Variants in GTF2IRD1 observed in about 807,000 individuals in gnomAD.
GTF2IRD1 encodes general transcription factor II-I repeat domain-containing protein 1.
GTF2IRD1 carries 26 observed loss-of-function variants against 113.2 expected under a neutral mutation model. The ratio of observed to expected loss-of-function variants is 0.23; its 90% CI spans 0.17 to 0.32. GTF2IRD1 has a LOEUF of 0.32. Ranked by LOEUF, GTF2IRD1 falls within the 10% of genes least tolerant of loss-of-function variation. The pLI is 1.00. For missense variants in GTF2IRD1, 864 were observed against 1,280.8 expected, an observed-to-expected ratio of 0.67 and a Z score of 4.97; for synonymous variants, 484 against 529.1, an observed-to-expected ratio of 0.91 and a Z score of 1.17.
In GTF2IRD1 at chr7:74,560,742, C is replaced by T. The variant is rs1174160930; in HGVS notation, c.2320+1087C>T. ...GATTATAGGTGGGCACCACCATGCC[C>T]GGCTAATTTTTGTGTTTTTAGTAGA... is the stretch of plus-strand genomic sequence containing the variant. On this transcript the variant is annotated intron_variant, in intron 22 of 26. Coordinates refer to ENST00000424337, the MANE Select transcript of GTF2IRD1 (RefSeq NM_005685.4). Among the ~76,000 whole-genome samples the T allele has an allele frequency of 4.0e-5, 6 of 151,746 alleles. No homozygotes were observed. In the South Asian group the frequency reaches 6.2e-4, roughly 16 times the overall value.
At chr7:74,571,572 A>G (rs587718586) in intron 22 of GTF2IRD1, among the ~76,000 whole-genome samples, 6 of 152,310 alleles carry the variant, frequency 3.9e-5, no homozygotes, top group Admixed American at 2.0e-4. Context: ...GTCAAATTAC[A>G]TGCTGCTAGC....
At chr7:74,581,758 G>A (rs1403186852) in intron 22 of GTF2IRD1, among the ~76,000 whole-genome samples, 3 of 152,344 alleles carry the variant, frequency 2.0e-5, no homozygotes, top group Non-Finnish European at 2.9e-5. Context: ...CTGTATCTCA[G>A]CACTTTGGAA....
At chr7:74,541,512 G>C (rs1441697796) in intron 14 of GTF2IRD1, among the ~76,000 whole-genome samples, 10 of 152,086 alleles carry the variant, frequency 6.6e-5, no homozygotes, top group South Asian at 4.1e-4. Context: ...TGTAGTTCCA[G>C]CTACTTGGGA....
chr7:74,508,690 TAA>T (rs35760074), intron 2 of GTF2IRD1, among the ~76,000 whole-genome samples: 29 of 131,988 alleles, frequency 2.2e-4, no homozygotes, highest in Admixed American at 4.0e-4. Flanking sequence ...GACTCCGTCT[TAA>T]AAAAAAAAAA....
intron 9 of GTF2IRD1, among the ~76,000 whole-genome samples, chr7:74,531,466 T>G (rs1273238317): frequency 6.6e-6 from 1 of 152,148 alleles, no homozygotes; most frequent in Non-Finnish European, 1.5e-5. Flanking sequence ...GATGAAATGC[T>G]TAGAACAGTG....
chr7:74,602,383 G>A lies in GTF2IRD1; in HGVS notation c.2785G>A (p.Val929Met), dbSNP rs1554374408. 6.2e-7 allele frequency: 1 copy of A among 1,613,536 alleles called. No individual in the cohort carries two copies. ...TCTCTAGCAATGGCCAATGTACATGGTGGACTATGCCGGCCTGAACGTGCA... is the reference window on the plus strand; with the variant it reads ...TCTCTAGCAATGGCCAATGTACATGATGGACTATGCCGGCCTGAACGTGCA... ...ISLVQWPMYM[V>M]DYAGLNVQLP... Residue 929 changes from valine (V) to methionine (M), a missense_variant, in exon 27 of 27, where the codon GTG becomes ATG. This residue lies in a region of GTF2IRD1 where 18 missense variants were observed against 35.7 expected (regional missense o/e 0.50). Coordinates refer to ENST00000424337, the MANE Select transcript of GTF2IRD1 (RefSeq NM_005685.4).
chr7:74,598,801 G>A (rs1432509761), intron 25 of GTF2IRD1, among the ~76,000 whole-genome samples: 1 of 152,024 alleles, frequency 6.6e-6, no homozygotes, highest in East Asian at 1.9e-4. Context: ...CAGAGGGTGG[G>A]GCAGCCTCTG....
At chr7:74,468,047 C>T (rs1362068450) in intron 1 of GTF2IRD1, among the ~76,000 whole-genome samples, 3 of 152,124 alleles carry the variant, frequency 2.0e-5, no homozygotes, top group Admixed American at 6.6e-5. Context: ...GATTACTTGA[C>T]GTTCTGCTGA....
chr7:74,498,427 C>T (rs1224932073), intron 1 of GTF2IRD1, among the ~76,000 whole-genome samples: 3 of 152,154 alleles, frequency 2.0e-5, no homozygotes, highest in Admixed American at 2.0e-4. Flanking sequence ...CTGTCCAAAA[C>T]TTCTCTTTAC....
intron 22 of GTF2IRD1, among the ~76,000 whole-genome samples, chr7:74,574,094 C>T (rs1372865121): frequency 1.3e-5 from 2 of 151,806 alleles, no homozygotes; most frequent in African/African-American, 4.8e-5. Context: ...AGCAATTCTC[C>T]TGCCTTAGCC....
intron 1 of GTF2IRD1, among the ~76,000 whole-genome samples, chr7:74,480,266 A>T (rs1175292112): frequency 2.0e-5 from 3 of 151,774 alleles, no homozygotes; most frequent in African/African-American, 4.8e-5. Flanking sequence ...AGTGTGAGAG[A>T]GTATTGGTGC....
At chr7:74,519,151 G>T (rs1797117915) in intron 5 of GTF2IRD1, among the ~76,000 whole-genome samples, 2 of 152,234 alleles carry the variant, frequency 1.3e-5, no homozygotes, top group Admixed American at 1.3e-4. Flanking sequence ...AACCGCACCT[G>T]GCGGGATCTG....
intron 1 of GTF2IRD1, among the ~76,000 whole-genome samples, chr7:74,460,817 G>C (rs1793313379): frequency 6.6e-6 from 1 of 152,206 alleles, no homozygotes. Context: ...TGTCTGCAAT[G>C]GCTACCTTTC....
rs145424631 is a variant in GTF2IRD1 at position 74,468,600 on chromosome 7, A to C, written c.-7+14424A>C. ...CTTGAACCTCGGAGGCAGAGGTTGC[A>C]GTGAGCCAAGACTGTGCTACTGCAC... On this transcript the variant is annotated intron_variant, in intron 1 of 26. Transcript: ENST00000424337. 5.8e-3 allele frequency among the ~76,000 whole-genome samples: 868 copies of C among 148,740 alleles called. 14 individuals are homozygous for C. In the East Asian group the frequency reaches 0.065, roughly 11 times the overall value.
intron 17 of GTF2IRD1, among the ~76,000 whole-genome samples, chr7:74,553,069 C>T (rs1799404383): frequency 6.6e-6 from 1 of 152,134 alleles, no homozygotes; most frequent in African/African-American, 2.4e-5. Context: ...AACTCCTAAC[C>T]TTAAGTGATC....
At chr7:74,521,135 G>A in intron 6 of GTF2IRD1, 73 bp from the exon 7 acceptor site, 1 of 830,192 alleles carries the variant, frequency 1.2e-6, no homozygotes, top group Non-Finnish European at 2.1e-6. Context: ...GCCAGGGCCT[G>A]TGCACTGGGG....
rs1408435179 is a variant in GTF2IRD1, at chr7:74,453,944, C to T, written c.-239C>T. 1 of 149,118 alleles carries T rather than the reference C, an allele frequency of 6.7e-6. No homozygotes were observed. Among genetic ancestry groups the T allele is most frequent in the African/African-American group, 2.5e-5 (1 of 40,716 alleles). The allele number at this position is 149,118 out of a possible 1,614,324, so 9.2% of individuals were successfully genotyped here. A position where few individuals can be genotyped will look rare whatever the true frequency, so the allele number is the denominator to read the frequency against. Reference sequence around the variant, plus strand: ...CGCCGCCCCGCCCTCCGCCGCAGCCCGCGCCGGGGGTGGGGGCCGCCGAGC... The same window carrying T: ...CGCCGCCCCGCCCTCCGCCGCAGCCTGCGCCGGGGGTGGGGGCCGCCGAGC... On this transcript the variant is annotated 5_prime_UTR_variant, in exon 1 of 27. Coordinates refer to ENST00000424337, the MANE Select transcript of GTF2IRD1 (RefSeq NM_005685.4).
At chr7:74,468,371 A>C (rs1210987961) in intron 1 of GTF2IRD1, among the ~76,000 whole-genome samples, 2 of 151,654 alleles carry the variant, frequency 1.3e-5, no homozygotes, top group Admixed American at 6.6e-5. Context: ...AAAAAAAAAA[A>C]AACCCAGCCA....
intron 22 of GTF2IRD1, among the ~76,000 whole-genome samples, chr7:74,575,914 C>T (rs932060187): frequency 3.3e-5 from 5 of 151,942 alleles, no homozygotes; most frequent in Admixed American, 6.6e-5. Flanking sequence ...CAGTGGCTCA[C>T]GCCAGCACTC....
Sources: gnomAD v4.1 joint callset for allele counts (sites outside exome capture counted in the v4.1 genomes callset) on GRCh38, gnomAD v4.1.1 for gene constraint, gnomAD v4.1.1 regional missense constraint, MANE v1.5 for transcripts, NCBI Gene and HGNC (gene_info 2026-07-23, HGNC 2026-07-21) for gene names.